The following DIP2C variants were observed in gnomAD, a reference collection of about 807,000 sequenced individuals.
The protein encoded by DIP2C is disco-interacting protein 2 homolog C.
Under a neutral mutation model 192.4 loss-of-function variants are expected in DIP2C, and 33 were observed. The ratio of observed to expected loss-of-function variants is 0.17; its 90% CI spans 0.13 to 0.23. The LOEUF is 0.23. DIP2C is among the 10% of genes least tolerant of loss of function. DIP2C has a pLI of 1.00. For missense variants in DIP2C, 1,537 were observed against 2,110.1 expected (o/e 0.73, Z 5.32); for synonymous variants, 979 against 864.1 (o/e 1.13, Z -2.33).
At chr10:355,931 A>G (rs1959059858) in intron 24 of DIP2C, among the ~76,000 whole-genome samples, 1 of 152,162 alleles carries the variant, frequency 6.6e-6, no homozygotes, top group Admixed American at 6.5e-5. Flanking sequence ...AAATACAAAA[A>G]TTAGCCAGAT....
intron 1 of DIP2C, among the ~76,000 whole-genome samples, chr10:557,817 A>C (rs1268714658): frequency 1.7e-5 from 1 of 57,390 alleles, no homozygotes; most frequent in Admixed American, 1.9e-4. Flanking sequence ...AGGCAGGGGG[A>C]GGGGGCAGGA....
At chr10:579,063 A>C (rs12256254) in intron 1 of DIP2C, among the ~76,000 whole-genome samples, 5 of 152,096 alleles carry the variant, frequency 3.3e-5, no homozygotes, top group Non-Finnish European at 7.4e-5. Context: ...AGTGCACAAC[A>C]TGTGTATGTG....
intron 22 of DIP2C, among the ~76,000 whole-genome samples, chr10:359,796 A>AT (rs145476915): frequency 5.3e-5 from 8 of 151,892 alleles, no homozygotes; most frequent in South Asian, 2.1e-4. Flanking sequence ...TCTTTAACAG[A>AT]TTTTTTTTGA....
chr10:572,592 G>T (rs1412480847), intron 1 of DIP2C, among the ~76,000 whole-genome samples: 1 of 152,214 alleles, frequency 6.6e-6, no homozygotes, highest in Non-Finnish European at 1.5e-5. Flanking sequence ...TTGTGAAGAT[G>T]TGACTTTGTA....
At chr10:314,341 C>A (rs1265152652) in intron 31 of DIP2C, among the ~76,000 whole-genome samples, 1 of 152,210 alleles carries the variant, frequency 6.6e-6, no homozygotes. Context: ...AGCCCTCCGT[C>A]GTCCTCCCTT....
chr10:282,321 G>A (rs1313467740), intron 35 of DIP2C, among the ~76,000 whole-genome samples: 1 of 152,170 alleles, frequency 6.6e-6, no homozygotes, highest in Non-Finnish European at 1.5e-5. Flanking sequence ...AGCTTTTGCA[G>A]CTTCCAGGAA....
intron 1 of DIP2C, among the ~76,000 whole-genome samples, chr10:492,061 C>T (rs1465642066): frequency 6.6e-6 from 1 of 152,250 alleles, no homozygotes; most frequent in Non-Finnish European, 1.5e-5. Flanking sequence ...ATCTCAAAAT[C>T]CTGACCCCTG....
Position 689,323 on chromosome 10 carries a change from C to T in DIP2C, c.85+171G>A, listed in dbSNP as rs1025462864. On this transcript the variant is annotated intron_variant, in intron 1 of 36. Coordinates refer to ENST00000280886, the MANE Select transcript of DIP2C (RefSeq NM_014974.3). The surrounding 1 kb of genome is among the most constrained non-coding windows in gnomAD (Gnocchi z 6.1). ...CGGGGGATCGCGGCCTCACAAACGT[C>T]CCTAGGGCGCGGGGTCTGGGGGTCC... Among the ~76,000 whole-genome samples the T allele has an allele frequency of 6.6e-5, 10 of 151,586 alleles. No individual in the cohort carries two copies. The highest frequency in any genetic ancestry group is 1.5e-4 in the Non-Finnish European group (10 of 67,820).
chr10:442,171 G>A (rs928961038), intron 3 of DIP2C, among the ~76,000 whole-genome samples: 4 of 152,148 alleles, frequency 2.6e-5, no homozygotes, highest in South Asian at 2.1e-4. Context: ...CGGGTTGGGG[G>A]AAAGGGTCCC....
chr10:527,285 A>AC (rs1318861938), intron 1 of DIP2C, among the ~76,000 whole-genome samples: 2 of 151,596 alleles, frequency 1.3e-5, no homozygotes, highest in Admixed American at 6.6e-5. Context: ...TGGCCTCCCG[A>AC]CCCTCCCCGC....
chr10:688,550 A>G (rs993797584), intron 1 of DIP2C, among the ~76,000 whole-genome samples: 24 of 152,048 alleles, frequency 1.6e-4, no homozygotes, highest in Non-Finnish European at 3.1e-4. Context: ...TAAATGTGAG[A>G]CGCGCCGGCC....
chr10:440,837 T>C lies in DIP2C; in HGVS notation c.394+34A>G, dbSNP rs202139012. On this transcript the variant is annotated intron_variant, in intron 4 of 36. Coordinates refer to ENST00000280886, the MANE Select transcript of DIP2C (RefSeq NM_014974.3). ...GGTCAATTCTGAGGTGCCCGGCACA[T>C]TCAGGAGGCCGTGTCGGGGAGCGTG... 1,113 of 1,597,264 alleles carry C rather than the reference T, an allele frequency of 7.0e-4. 9 individuals are homozygous for C. The highest frequency in any genetic ancestry group is 1.3e-4 in the Non-Finnish European group (156 of 1,173,886).
Position 621,322 on chromosome 10 carries a change from C to T in DIP2C, c.85+68172G>A, listed in dbSNP as rs377465329. 6.9e-4 allele frequency among the ~76,000 whole-genome samples: 105 copies of T among 152,048 alleles called. No individual in the cohort carries two copies. The South Asian group carries it at 0.021, about 31-fold the overall frequency. On this transcript the variant is annotated intron_variant, in intron 1 of 36. Transcript: ENST00000280886. ...GTCCCTGCCAACACCCACACACACC[C>T]CCAAGGTGTGCACACATGCTCTGTA... is the stretch of plus-strand genomic sequence containing the variant.
intron 1 of DIP2C, chr10:663,185 T>G (rs1856870220): frequency 2.6e-6 from 1 of 389,178 alleles, no homozygotes; most frequent in Non-Finnish European, 4.6e-6. Context: ...GTAAATAAAC[T>G]GTGGAAAACT....
chr10:452,436 G>A (rs1968925669), intron 3 of DIP2C, among the ~76,000 whole-genome samples: 1 of 152,186 alleles, frequency 6.6e-6, no homozygotes, highest in South Asian at 2.1e-4. Flanking sequence ...AGCAGCTTCT[G>A]AAGCACGCAG....
In DIP2C at chr10:414,043, C is replaced by T. The variant is rs1475640734; in HGVS notation, c.927G>A (p.Gln309=). 1 of 1,614,102 alleles carries T rather than the reference C, an allele frequency of 6.2e-7. No individual in the cohort carries two copies. Among genetic ancestry groups the T allele is most frequent in the Non-Finnish European group, 8.5e-7 (1 of 1,179,964 alleles). ...GAQMLAMRGE[Q]LGVVTNWPPS... ...GCGGCCAGTTCGTGACCACGCCCAG[C>T]TGCTCTCCGCGCATGGCCAGCATCT... Residue 309 remains glutamine (Q), a synonymous_variant, in exon 8 of 37, where the codon CAG becomes CAA. Transcript: ENST00000280886.
chr10:310,614 T>TTTC (rs532031133), intron 31 of DIP2C, among the ~76,000 whole-genome samples: 151 of 152,320 alleles, frequency 9.9e-4, no homozygotes, highest in African/African-American at 3.4e-3. Flanking sequence ...GAGGAGGGCA[T>TTTC]TTCCGGCCAA....
intron 3 of DIP2C, among the ~76,000 whole-genome samples, chr10:453,534 T>A (rs1969026730): frequency 6.6e-6 from 1 of 152,218 alleles, no homozygotes; most frequent in Non-Finnish European, 1.5e-5. Context: ...TATTTTTAAG[T>A]ATCTTTGAGG....
chr10:369,254 C>T (rs1277304383), intron 18 of DIP2C, among the ~76,000 whole-genome samples: 1 of 152,210 alleles, frequency 6.6e-6, no homozygotes, highest in Non-Finnish European at 1.5e-5. Flanking sequence ...CAGGGAAGAG[C>T]AGCCTGAGGT....
Sources: gnomAD v4.1 joint callset for allele counts (sites outside exome capture counted in the v4.1 genomes callset) on GRCh38, gnomAD v4.1.1 for gene constraint, Gnocchi (gnomAD v3.1) non-coding constraint, MANE v1.5 for transcripts, NCBI Gene and HGNC (gene_info 2026-07-23, HGNC 2026-07-21) for gene names.